RAD54B: variants seen among roughly 807,000 people sequenced by gnomAD.
RAD54B encodes DNA repair and recombination protein RAD54B.
Under a neutral mutation model 95.8 loss-of-function variants are expected in RAD54B, and 78 were observed. That is an observed-to-expected ratio of 0.81 (90% CI 0.68 to 0.98). The LOEUF (loss-of-function observed/expected upper bound fraction) is 0.98, where lower values mean the gene tolerates loss of function less well. Among genes scored for constraint, RAD54B ranks in the 50% least tolerant of loss-of-function variants. The pLI is 0.00. For missense variants in RAD54B, 957 were observed against 1,056.6 expected (o/e 0.91, Z 1.31); for synonymous variants, 328 against 354.9 (o/e 0.92, Z 0.85).
At chr8:94,402,265 T>A (rs1305702048) in intron 6 of RAD54B, among the ~76,000 whole-genome samples, 1 of 151,756 alleles carries the variant, frequency 6.6e-6, no homozygotes, top group Non-Finnish European at 1.5e-5. Flanking sequence ...TTTTTTTTTT[T>A]CCTCTCCAGA....
chr8:94,433,011 G>C (rs1386480214), intron 3 of RAD54B, among the ~76,000 whole-genome samples: 2 of 152,222 alleles, frequency 1.3e-5, no homozygotes, highest in East Asian at 3.9e-4. Flanking sequence ...ATGGTGTACA[G>C]AGCCATTTAA....
intron 14 of RAD54B, among the ~76,000 whole-genome samples, chr8:94,375,410 G>A (rs367696185): frequency 7.9e-5 from 12 of 152,200 alleles, no homozygotes; most frequent in Admixed American, 1.3e-4. Flanking sequence ...TGGGTCTCAC[G>A]AGATCTGATG....
chr8:94,464,240 T>C (rs898982342), intron 2 of RAD54B, among the ~76,000 whole-genome samples: 1 of 152,136 alleles, frequency 6.6e-6, no homozygotes, highest in Non-Finnish European at 1.5e-5. Context: ...GGGCCTAACC[T>C]AATCAAATGA....
intron 3 of RAD54B, chr8:94,428,619 T>C: frequency 1.6e-6 from 1 of 639,534 alleles, no homozygotes; most frequent in Non-Finnish European, 1.9e-6. Flanking sequence ...ACCGTCTTTT[T>C]AAATTTCGTA....
At chr8:94,434,905 T>C (rs1002150756) in intron 3 of RAD54B, among the ~76,000 whole-genome samples, 16 of 151,654 alleles carry the variant, frequency 1.1e-4, no homozygotes, top group South Asian at 1.0e-3. Context: ...TGTGTGAATA[T>C]TGTAAATATT....
At position 94,391,693 on chromosome 8, in the gene RAD54B, C is replaced by A. The variant is rs1326250166; in HGVS notation, c.1725G>T (p.Leu575Phe). ...SQVVRFCLQGLLENSPHLICI... is the reference protein window; with the variant it reads ...SQVVRFCLQGFLENSPHLICI... ...ATATTAGATGGGGACTATTTTCCAACAACCCTTGAAGGCAGAACCTGACAA... is the reference window on the plus strand; with the variant it reads ...ATATTAGATGGGGACTATTTTCCAAAAACCCTTGAAGGCAGAACCTGACAA... The change falls in exon 10 of 15, where the codon TTG (leucine) becomes TTT (phenylalanine). Residue 575 changes from leucine (L) to phenylalanine (F), a missense_variant. Transcript: ENST00000336148. 2 of 1,613,986 alleles carry A rather than the reference C, an allele frequency of 1.2e-6. No homozygotes were observed. The highest frequency in any genetic ancestry group is 1.7e-5 in the Admixed American group (1 of 60,008).
At chr8:94,466,226 A>G (rs776864075) in intron 2 of RAD54B, among the ~76,000 whole-genome samples, 2 of 152,244 alleles carry the variant, frequency 1.3e-5, no homozygotes, top group Admixed American at 1.3e-4. Flanking sequence ...TTTAATCCCT[A>G]TAACATAAAA....
intron 3 of RAD54B, chr8:94,436,671 C>T (rs1251911558): frequency 2.6e-6 from 4 of 1,550,400 alleles, no homozygotes; most frequent in South Asian, 1.2e-5. Flanking sequence ...TGCGTAGGCC[C>T]TGTGCTGTTC....
intron 5 of RAD54B, among the ~76,000 whole-genome samples, chr8:94,406,518 T>C (rs112467325): frequency 5.3e-5 from 8 of 152,178 alleles, no homozygotes; most frequent in African/African-American, 1.7e-4. Flanking sequence ...GAATTTTTAA[T>C]TGTGGGGTTT....
In RAD54B at chr8:94,394,731, C is replaced by T. The variant is rs1811102149; in HGVS notation, c.1379-849G>A. ...TGCCAAAAGAACATATAAATCAGCA[C>T]AAACAATGTAATATCAGATGGCTTT... is the stretch of plus-strand genomic sequence containing the variant. On this transcript the variant is annotated intron_variant, in intron 8 of 14. Coordinates refer to ENST00000336148, the MANE Select transcript of RAD54B (RefSeq NM_012415.3). Among the ~76,000 whole-genome samples, 5 of 152,112 alleles carry T rather than the reference C, an allele frequency of 3.3e-5. No individual in the cohort carries two copies. The South Asian group carries it at 1.0e-3, about 32-fold the overall frequency.
At chr8:94,436,413 G>T in intron 3 of RAD54B, 1 of 1,417,088 alleles carries the variant, frequency 7.1e-7, no homozygotes, top group Non-Finnish European at 9.3e-7. Context: ...TGCTTACTAT[G>T]CATATCTCTA....
At chr8:94,411,569 A>G (rs1811530560) in intron 3 of RAD54B, among the ~76,000 whole-genome samples, 1 of 152,088 alleles carries the variant, frequency 6.6e-6, no homozygotes, top group Non-Finnish European at 1.5e-5. Flanking sequence ...ATGAAGTAGA[A>G]TAACATAATA....
At position 94,395,962 on chromosome 8, in the gene RAD54B, CAT is replaced by C. The variant is rs149848717; in HGVS notation, c.1379-2082_1379-2081del. On this transcript the variant is annotated intron_variant, in intron 8 of 14. Coordinates refer to ENST00000336148, the MANE Select transcript of RAD54B (RefSeq NM_012415.3). Reference sequence around the variant, plus strand: ...TCTGATTCAGATCATCTGTTACCAGCATCTGAAATCATCCCAACTGATATACA... The same window carrying C: ...TCTGATTCAGATCATCTGTTACCAGCCTGAAATCATCCCAACTGATATACA... Among the ~76,000 whole-genome samples the C allele has an allele frequency of 3.5e-3, 537 of 152,164 alleles. 2 individuals are homozygous for C. Among genetic ancestry groups the C allele is most frequent in the African/African-American group, 0.012 (501 of 41,508 alleles).
chr8:94,428,935 A>G (rs1321786088), intron 3 of RAD54B: 40 of 983,902 alleles, frequency 4.1e-5, no homozygotes, highest in Non-Finnish European at 4.6e-5. Context: ...AAAGGATTCT[A>G]TGGTCAAATA....
intron 3 of RAD54B, chr8:94,432,416 C>G: frequency 4.5e-6 from 7 of 1,550,366 alleles, no homozygotes; most frequent in Non-Finnish European, 6.1e-6. Flanking sequence ...AAGATGGAGA[C>G]GATGTCATTC....
intron 11 of RAD54B, among the ~76,000 whole-genome samples, chr8:94,385,082 CCCAGAG>C (rs539127081): frequency 2.1e-3 from 326 of 152,216 alleles, no homozygotes; most frequent in African/African-American, 7.2e-3. Context: ...CGGCCTGTGC[CCCAGAG>C]TGAGACCCTA....
At position 94,468,264 on chromosome 8, in the gene RAD54B, T is replaced by C. The variant is rs971580868; in HGVS notation, c.-16-709A>G. Among the ~76,000 whole-genome samples, 5 of 152,290 alleles carry C rather than the reference T, an allele frequency of 3.3e-5. No homozygotes were observed. In the East Asian group the frequency reaches 9.6e-4, roughly 29 times the overall value. On this transcript the variant is annotated intron_variant, in intron 1 of 14. Transcript: ENST00000336148. ...TGAAAGCCATCACAGAGTTTGGGTC[T>C]TAACCATTAGCTACCCATTTTTCCT... is the stretch of plus-strand genomic sequence containing the variant.
intron 3 of RAD54B, among the ~76,000 whole-genome samples, chr8:94,440,471 T>C (rs577041612): frequency 6.6e-6 from 1 of 152,290 alleles, no homozygotes; most frequent in South Asian, 2.1e-4. Flanking sequence ...TTAAGAATAT[T>C]ACGAATATAT....
intron 3 of RAD54B, chr8:94,432,602 C>T: frequency 6.5e-7 from 1 of 1,549,722 alleles, no homozygotes; most frequent in Non-Finnish European, 8.7e-7. Flanking sequence ...GATGGTGATC[C>T]AACATTACCT....
Sources: gnomAD v4.1 joint callset for allele counts (sites outside exome capture counted in the v4.1 genomes callset) on GRCh38, gnomAD v4.1.1 for gene constraint, MANE v1.5 for transcripts, NCBI Gene and HGNC (gene_info 2026-07-23, HGNC 2026-07-21) for gene names.